SLC49A4: variants seen among roughly 807,000 people sequenced by gnomAD.
SLC49A4 encodes the protein solute carrier family 49 member 4, also known as disrupted in renal cancer protein 2.
SLC49A4 carries 36 observed loss-of-function variants against 50.6 expected under a neutral mutation model. The observed-to-expected ratio is 0.71, with a 90% CI of 0.55 to 0.94. The LOEUF (loss-of-function observed/expected upper bound fraction) is 0.94. Ranked by LOEUF, SLC49A4 falls within the 40% of genes least tolerant of loss-of-function variation. SLC49A4 has a pLI of 0.00. For synonymous variants in SLC49A4, 248 were observed against 241.2 expected, an observed-to-expected ratio of 1.03 and a Z score of -0.26; for missense variants, 503 against 605.7, an observed-to-expected ratio of 0.83 and a Z score of 1.78.
chr3:122,861,346 C>A (rs1027785402), intron 7 of SLC49A4, among the ~76,000 whole-genome samples: 1 of 152,146 alleles, frequency 6.6e-6, no homozygotes, highest in African/African-American at 2.4e-5. Flanking sequence ...GCTTATAAAC[C>A]AGAGACTCTG....
At chr3:122,826,477 T>C (rs1936530300) in intron 2 of SLC49A4, among the ~76,000 whole-genome samples, 1 of 152,180 alleles carries the variant, frequency 6.6e-6, no homozygotes. Context: ...AGCTACCACT[T>C]AGTGTTGTTA....
intron 2 of SLC49A4, among the ~76,000 whole-genome samples, chr3:122,808,706 T>C (rs1936258322): frequency 6.6e-6 from 1 of 152,162 alleles, no homozygotes; most frequent in Non-Finnish European, 1.5e-5. Flanking sequence ...GAGAATGGAC[T>C]GAAGCTTGAG....
chr3:122,845,091 A>G (rs1368393859), intron 4 of SLC49A4, among the ~76,000 whole-genome samples: 4 of 152,006 alleles, frequency 2.6e-5, no homozygotes. Context: ...TCCAATAGGT[A>G]GTTTTTCTGT....
chr3:122,845,569 A>G (rs961800620), intron 4 of SLC49A4, among the ~76,000 whole-genome samples, 194 bp from the exon 5 acceptor site: 1 of 139,988 alleles, frequency 7.1e-6, no homozygotes, highest in African/African-American at 2.7e-5. Flanking sequence ...AACCAGCAGT[A>G]TATATGCGTT....
intron 1 of SLC49A4, among the ~76,000 whole-genome samples, chr3:122,800,236 A>T (rs6785639): frequency 0.44 from 66,349 of 152,118 alleles, 15,676 homozygotes; most frequent in South Asian, 0.55. Flanking sequence ...GGGCATTCCA[A>T]CATTCAGAGG....
intron 7 of SLC49A4, among the ~76,000 whole-genome samples, chr3:122,867,525 T>A (rs191718682): frequency 1.3e-5 from 2 of 152,360 alleles, no homozygotes; most frequent in South Asian, 2.1e-4. Flanking sequence ...AAGCAGTTTT[T>A]AAAATATTTT....
At chr3:122,809,958 G>A (rs1211284222) in intron 2 of SLC49A4, among the ~76,000 whole-genome samples, 1 of 152,146 alleles carries the variant, frequency 6.6e-6, no homozygotes, top group Non-Finnish European at 1.5e-5. Flanking sequence ...AAATGAAAAT[G>A]CTACAATTGG....
chr3:122,864,738 G>C (rs1484224411), intron 7 of SLC49A4, among the ~76,000 whole-genome samples: 1 of 152,154 alleles, frequency 6.6e-6, no homozygotes, highest in Non-Finnish European at 1.5e-5. Context: ...GCAACAGCTG[G>C]GTCAGTGGGT....
chr3:122,814,260 C>T (rs919603326), intron 2 of SLC49A4, among the ~76,000 whole-genome samples: 5 of 152,054 alleles, frequency 3.3e-5, no homozygotes, highest in Admixed American at 3.3e-4. Context: ...AGAGCAAGAC[C>T]CTGTCTCAAA....
chr3:122,799,844 C>T (rs778719566), intron 1 of SLC49A4, among the ~76,000 whole-genome samples: 13 of 152,132 alleles, frequency 8.5e-5, no homozygotes, highest in Non-Finnish European at 1.5e-4. Flanking sequence ...AGGAAGGAGA[C>T]GAGTCTAAGC....
chr3:122,837,849 TCAAA>T (rs1199563211), intron 4 of SLC49A4, among the ~76,000 whole-genome samples: 45 of 151,898 alleles, frequency 3.0e-4, no homozygotes, highest in African/African-American at 9.7e-4. Context: ...TACAATGAAC[TCAAA>T]CAAATTTACA....
At chr3:122,798,321 C>A (rs893813687) in intron 1 of SLC49A4, among the ~76,000 whole-genome samples, 4 of 151,236 alleles carry the variant, frequency 2.6e-5, no homozygotes, top group Admixed American at 1.3e-4. Flanking sequence ...TTAATTTGCA[C>A]CCTTCTTATT....
intron 7 of SLC49A4, among the ~76,000 whole-genome samples, chr3:122,870,211 T>C (rs186103951): frequency 7.9e-5 from 12 of 152,186 alleles, no homozygotes; most frequent in African/African-American, 2.6e-4. Flanking sequence ...TACTCAGAAG[T>C]AGTACTTGCT....
intron 7 of SLC49A4, 126 bp from the exon 8 acceptor site, chr3:122,872,289 T>A: frequency 1.2e-6 from 1 of 803,422 alleles, no homozygotes; most frequent in Non-Finnish European, 2.0e-6. Flanking sequence ...TGTCAAACTT[T>A]ATCAACTACC....
rs1350989558 is a variant in SLC49A4, at chr3:122,879,883, A to G, written c.*505A>G. The G allele has an allele frequency of 1.3e-5, 2 of 152,904 alleles. No individual in the cohort carries two copies. The highest frequency in any genetic ancestry group is 2.9e-5 in the Non-Finnish European group (2 of 68,260). The allele number at this position is 152,904 out of a possible 1,614,324, so 9.5% of individuals were successfully genotyped here. A position where few individuals can be genotyped will look rare whatever the true frequency, so the allele number is the denominator to read the frequency against. Reference sequence around the variant, plus strand: ...GATGGAAATTAGCCACATGTACACTACATTTTTTCTAATAAAGCCATTTCT... The same window carrying G: ...GATGGAAATTAGCCACATGTACACTGCATTTTTTCTAATAAAGCCATTTCT... On this transcript the variant is annotated 3_prime_UTR_variant, in exon 9 of 9. Transcript: ENST00000261038.
chr3:122,879,458 A>G lies in SLC49A4; in HGVS notation c.*80A>G, dbSNP rs1937306953. 3.8e-6 allele frequency: 4 copies of G among 1,043,952 alleles called. No individual in the cohort carries two copies. The Admixed American group carries it at 6.9e-5, about 18-fold the overall frequency. 64.7% of individuals were successfully genotyped at this position (1,043,952 alleles called of 1,614,324 possible). Reference sequence around the variant, plus strand: ...CACATTTGCTCAGAATTGCACATCTAACAGGAAAAGAGGGAGAAGAAAGAA... The same window carrying G: ...CACATTTGCTCAGAATTGCACATCTGACAGGAAAAGAGGGAGAAGAAAGAA... On this transcript the variant is annotated 3_prime_UTR_variant, in exon 9 of 9. Coordinates refer to ENST00000261038, the MANE Select transcript of SLC49A4 (RefSeq NM_032839.3).
Position 122,831,010 on chromosome 3 carries a change from G to A in SLC49A4, c.704-2307G>A, listed in dbSNP as rs886739495. On this transcript the variant is annotated intron_variant, in intron 3 of 8. Transcript: ENST00000261038. ...CCAAGAAAATACACAAATGTTCATC[G>A]AACACATGAAAGATACTCAGTGTCA... Among the ~76,000 whole-genome samples, 17 of 152,000 alleles carry A rather than the reference G, an allele frequency of 1.1e-4. 1 individual carries two copies. The highest frequency in any genetic ancestry group is 3.1e-4 in the African/African-American group (13 of 41,382).
chr3:122,822,736 C>A (rs941178920), intron 2 of SLC49A4, among the ~76,000 whole-genome samples: 1 of 152,094 alleles, frequency 6.6e-6, no homozygotes, highest in Non-Finnish European at 1.5e-5. Context: ...TCATCTTGCT[C>A]GACTCCCATT....
At chr3:122,842,449 G>T (rs1325447190) in intron 4 of SLC49A4, among the ~76,000 whole-genome samples, 1 of 118,418 alleles carries the variant, frequency 8.4e-6, no homozygotes, top group Non-Finnish European at 1.6e-5. Flanking sequence ...TCGCGCCACT[G>T]CACTCCAGCC....
Sources: allele counts gnomAD v4.1 joint callset (sites outside exome capture counted in the v4.1 genomes callset), GRCh38; gene constraint gnomAD v4.1.1; transcripts MANE v1.5; gene names NCBI Gene and HGNC (gene_info 2026-07-23, HGNC 2026-07-21).